FAT3: variants seen among roughly 807,000 people sequenced by gnomAD.
The protein encoded by FAT3 is FAT atypical cadherin 3, also known as protocadherin Fat 3.
Under a neutral mutation model 310.2 loss-of-function variants are expected in FAT3, and 95 were observed. The observed-to-expected ratio is 0.31, with a 90% CI of 0.26 to 0.36. The LOEUF (loss-of-function observed/expected upper bound fraction) is 0.36. Among genes scored for constraint, FAT3 ranks in the 10% least tolerant of loss-of-function variants. The pLI, the probability that FAT3 is intolerant of heterozygous loss-of-function variation, is 1.00. For missense variants in FAT3, 5,408 were observed against 5,715.6 expected (o/e 0.95, Z 1.74); for synonymous variants, 2,314 against 2,192.9 (o/e 1.06, Z -1.54).
intron 3 of FAT3, among the ~76,000 whole-genome samples, chr11:92,549,133 T>C (rs1432889337): frequency 6.6e-6 from 1 of 152,170 alleles, no homozygotes; most frequent in Non-Finnish European, 1.5e-5. Context: ...CTGAAAAATG[T>C]CATAATTGTC....
intron 2 of FAT3, among the ~76,000 whole-genome samples, chr11:92,440,375 T>C (rs771135965): frequency 3.3e-4 from 51 of 152,344 alleles, no homozygotes; most frequent in Non-Finnish European, 6.2e-4. Flanking sequence ...TGTAACATCC[T>C]GCAGATTTAT....
chr11:92,552,352 G>A (rs1327083737), intron 3 of FAT3, among the ~76,000 whole-genome samples: 1 of 152,080 alleles, frequency 6.6e-6, no homozygotes, highest in Non-Finnish European at 1.5e-5. Context: ...TTAGATTGGA[G>A]TGCTCTTTGT....
chr11:92,754,881 T>C (rs1156864657), intron 4 of FAT3, among the ~76,000 whole-genome samples: 4 of 151,328 alleles, frequency 2.6e-5, no homozygotes, highest in African/African-American at 4.9e-5. Flanking sequence ...ATAATAATAA[T>C]AATAAAGAAG....
rs188319209 is a variant in FAT3, at chr11:92,859,857, A to G, written c.11658+535A>G. Among the ~76,000 whole-genome samples, 13 of 152,324 alleles carry G rather than the reference A, an allele frequency of 8.5e-5. No individual in the cohort carries two copies. The East Asian group carries it at 2.5e-3, about 29-fold the overall frequency. ...CCAGATTTATTTTAGAGCAAGTCTG[A>G]CATCTATATTCACCTCAAGGATTCT... On this transcript the variant is annotated intron_variant, in intron 21 of 27. Coordinates refer to ENST00000525166, the MANE Select transcript of FAT3 (RefSeq NM_001367949.2).
intron 4 of FAT3, among the ~76,000 whole-genome samples, chr11:92,753,989 G>A (rs931435398): frequency 4.6e-5 from 7 of 151,808 alleles, no homozygotes; most frequent in African/African-American, 1.7e-4. Context: ...GAGGACTTGG[G>A]GGAAGGTGGA....
At chr11:92,459,252 C>T (rs1318327638) in intron 2 of FAT3, among the ~76,000 whole-genome samples, 1 of 152,114 alleles carries the variant, frequency 6.6e-6, no homozygotes, top group African/African-American at 2.4e-5. Flanking sequence ...TGCCAGAGAG[C>T]CTTGGAATCC....
At chr11:92,372,827 A>AT (rs1314444396) in intron 2 of FAT3, among the ~76,000 whole-genome samples, 1 of 151,682 alleles carries the variant, frequency 6.6e-6, no homozygotes, top group African/African-American at 2.4e-5. Context: ...CGCCCGGCTA[A>AT]TTTTTTGTAT....
intron 3 of FAT3, among the ~76,000 whole-genome samples, chr11:92,605,793 A>G (rs1292458805): frequency 9.6e-6 from 1 of 103,706 alleles, no homozygotes; most frequent in Non-Finnish European, 1.8e-5. Flanking sequence ...ATCCCTATTT[A>G]TTGGCAGAGA....
chr11:92,413,130 T>C (rs572580040), intron 2 of FAT3, among the ~76,000 whole-genome samples: 1 of 152,286 alleles, frequency 6.6e-6, no homozygotes, highest in South Asian at 2.1e-4. Flanking sequence ...TCACTGATCT[T>C]CTTACAGTTT....
intron 3 of FAT3, among the ~76,000 whole-genome samples, chr11:92,548,667 C>T (rs909479300): frequency 5.9e-5 from 9 of 152,082 alleles, no homozygotes; most frequent in Admixed American, 1.3e-4. Flanking sequence ...CTAAGTTTCC[C>T]TAGAAACCTA....
At chr11:92,593,652 A>G (rs1380338531) in intron 3 of FAT3, among the ~76,000 whole-genome samples, 1 of 152,112 alleles carries the variant, frequency 6.6e-6, no homozygotes, top group Non-Finnish European at 1.5e-5. Flanking sequence ...AGGGTAACTA[A>G]CATAAATCTA....
intron 7 of FAT3, among the ~76,000 whole-genome samples, chr11:92,779,477 CA>C (rs1266956478): frequency 6.6e-6 from 1 of 151,866 alleles, no homozygotes; most frequent in African/African-American, 2.4e-5. Flanking sequence ...ATAATATGAA[CA>C]TCAAAAAGAA....
At chr11:92,491,383 A>G (rs1362517951) in intron 2 of FAT3, among the ~76,000 whole-genome samples, 1 of 152,028 alleles carries the variant, frequency 6.6e-6, no homozygotes, top group East Asian at 1.9e-4. Context: ...TACCTTTCAC[A>G]CAAAGAATTG....
chr11:92,807,635 T>G (rs1158762083), intron 12 of FAT3, among the ~76,000 whole-genome samples: 1 of 152,234 alleles, frequency 6.6e-6, no homozygotes, highest in African/African-American at 2.4e-5. Context: ...TTTTTCTCAC[T>G]TTGAAATGGC....
At chr11:92,692,609 A>G (rs79020950) in intron 3 of FAT3, among the ~76,000 whole-genome samples, 5,458 of 152,322 alleles carry the variant, frequency 0.036, 236 homozygotes, top group East Asian at 0.21. Flanking sequence ...TACATGCAAC[A>G]TGCCAGGTAA....
chr11:92,731,010 T>C (rs1295883968), intron 4 of FAT3, among the ~76,000 whole-genome samples: 1 of 152,198 alleles, frequency 6.6e-6, no homozygotes, highest in Non-Finnish European at 1.5e-5. Context: ...TTGTGTTGTC[T>C]TCCCTATCAC....
intron 3 of FAT3, among the ~76,000 whole-genome samples, chr11:92,639,311 T>C (rs1293458685): frequency 6.6e-6 from 1 of 152,188 alleles, no homozygotes; most frequent in Non-Finnish European, 1.5e-5. Context: ...CTTTTTTATG[T>C]TGGGGAGCAA....
chr11:92,447,215 A>ATGTGTGTGTGTGTGTG (rs369295353), intron 2 of FAT3, among the ~76,000 whole-genome samples: 3 of 122,910 alleles, frequency 2.4e-5, no homozygotes, highest in African/African-American at 9.0e-5. Context: ...GTGTATGTAT[A>ATGTGTGTGTGTGTGTG]TGTGTGCGTG....
intron 1 of FAT3, among the ~76,000 whole-genome samples, chr11:92,282,431 G>A (rs560494204): frequency 2.0e-5 from 3 of 152,164 alleles, no homozygotes; most frequent in East Asian, 1.9e-4. Context: ...TTGGGAGGCC[G>A]AGGCGGATGG....
Sources: gnomAD v4.1 joint callset for allele counts (sites outside exome capture counted in the v4.1 genomes callset) on GRCh38, gnomAD v4.1.1 for gene constraint, MANE v1.5 for transcripts, NCBI Gene and HGNC (gene_info 2026-07-23, HGNC 2026-07-21) for gene names.